The following MACROD2 variants were observed in gnomAD, a reference collection of about 807,000 sequenced individuals.
The protein encoded by MACROD2 is mono-ADP ribosylhydrolase 2.
MACROD2 carries 36 observed loss-of-function variants against 70.4 expected under a neutral mutation model. The observed-to-expected ratio is 0.51, with a 90% CI of 0.39 to 0.68. MACROD2 has a LOEUF of 0.68. Ranked by LOEUF, MACROD2 falls within the 30% of genes least tolerant of loss-of-function variation. The pLI is 0.00. For synonymous variants in MACROD2, 172 were observed against 178.8 expected (o/e 0.96, Z 0.30); for missense variants, 496 against 538.4 (o/e 0.92, Z 0.78).
intron 2 of MACROD2, among the ~76,000 whole-genome samples, chr20:14,034,428 G>A (rs556765863): frequency 8.5e-5 from 13 of 152,094 alleles, no homozygotes; most frequent in Non-Finnish European, 1.6e-4. Flanking sequence ...ATTTATTTTT[G>A]TATTCTTGTG....
At chr20:15,201,284 C>T (rs1347980842) in intron 5 of MACROD2, among the ~76,000 whole-genome samples, 4 of 151,930 alleles carry the variant, frequency 2.6e-5, no homozygotes, top group Admixed American at 2.6e-4. Flanking sequence ...ATGAGTGCCC[C>T]CCTCCCCAGA....
chr20:15,411,509 T>C (rs774213712), intron 6 of MACROD2, among the ~76,000 whole-genome samples: 3 of 152,222 alleles, frequency 2.0e-5, no homozygotes, highest in Non-Finnish European at 4.4e-5. Flanking sequence ...CTGAATTTTC[T>C]CATCTGTCTT....
chr20:16,049,492 A>G (rs1243337418), intron 17 of MACROD2, among the ~76,000 whole-genome samples: 1 of 152,206 alleles, frequency 6.6e-6, no homozygotes, highest in East Asian at 1.9e-4. Context: ...CCTGGAAACT[A>G]GAGTGTGAGC....
At chr20:16,025,481 C>CA (rs2067065219) in intron 15 of MACROD2, among the ~76,000 whole-genome samples, 1 of 152,226 alleles carries the variant, frequency 6.6e-6, no homozygotes, top group Non-Finnish European at 1.5e-5. Context: ...AGGCAGAAGT[C>CA]AATCAAGCTT....
In MACROD2 at chr20:14,665,332, G is replaced by GT. The variant is rs112778882; in HGVS notation, c.302-19499dup. 7.2e-3 allele frequency among the ~76,000 whole-genome samples: 1,047 copies of GT among 145,366 alleles called. 9 individuals are homozygous for GT. Among genetic ancestry groups the GT allele is most frequent in the South Asian group, 0.038 (177 of 4,626 alleles). On this transcript the variant is annotated intron_variant, in intron 4 of 17. Transcript: ENST00000684519. ...ATTGCCAGTTAAGATTTCAAGAACA[G>GT]TTTTTTTTTTTTAACTGCAGTATGG...
chr20:14,477,828 T>C (rs1005400528), intron 3 of MACROD2, among the ~76,000 whole-genome samples: 14 of 152,180 alleles, frequency 9.2e-5, no homozygotes, highest in Non-Finnish European at 2.1e-4. Flanking sequence ...TGCTGTAAGA[T>C]GTTAAGGGAT....
Position 14,999,447 on chromosome 20 carries a change from G to A in MACROD2, c.419-230493G>A, listed in dbSNP as rs114645437. Among the ~76,000 whole-genome samples, 112 of 152,212 alleles carry A rather than the reference G, an allele frequency of 7.4e-4. 1 individual carries two copies. Among genetic ancestry groups the A allele is most frequent in the African/African-American group, 2.5e-3 (102 of 41,542 alleles). ...GCTGATGTAGGATGATGGCTTCAGC[G>A]TAGGAGTTTGAGACTAGCCAGACTC... is the stretch of plus-strand genomic sequence containing the variant. On this transcript the variant is annotated intron_variant, in intron 5 of 17. Coordinates refer to ENST00000684519, the MANE Select transcript of MACROD2 (RefSeq NM_001351661.2).
chr20:15,585,431 C>T (rs1449247921), intron 8 of MACROD2, among the ~76,000 whole-genome samples: 8 of 152,036 alleles, frequency 5.3e-5, no homozygotes, highest in East Asian at 1.9e-4. Flanking sequence ...CTCCTGACCT[C>T]GTGATCCACC....
intron 8 of MACROD2, among the ~76,000 whole-genome samples, chr20:15,612,906 G>GA (rs1369324888): frequency 7.2e-5 from 11 of 152,310 alleles, no homozygotes; most frequent in African/African-American, 2.6e-4. Context: ...CAGACAGACT[G>GA]ACAGGCTGCC....
intron 12 of MACROD2, among the ~76,000 whole-genome samples, chr20:15,957,011 T>C (rs1283144542): frequency 6.6e-6 from 1 of 152,172 alleles, no homozygotes; most frequent in African/African-American, 2.4e-5. Context: ...ACAAACGTAA[T>C]GTTGTGCAAA....
At chr20:14,696,219 A>C (rs2071124865) in intron 5 of MACROD2, among the ~76,000 whole-genome samples, 1 of 152,220 alleles carries the variant, frequency 6.6e-6, no homozygotes, top group Non-Finnish European at 1.5e-5. Flanking sequence ...GAGAACCCAA[A>C]GTCCAGCTTA....
intron 5 of MACROD2, among the ~76,000 whole-genome samples, chr20:14,805,295 G>C (rs1355533673): frequency 6.6e-6 from 1 of 152,046 alleles, no homozygotes; most frequent in Non-Finnish European, 1.5e-5. Flanking sequence ...TTGAACATTA[G>C]AATTCAGTTT....
At chr20:14,738,996 C>G (rs1257094105) in intron 5 of MACROD2, among the ~76,000 whole-genome samples, 1 of 151,874 alleles carries the variant, frequency 6.6e-6, no homozygotes, top group Non-Finnish European at 1.5e-5. Context: ...CATTTTCTTA[C>G]TTAAAATATT....
intron 7 of MACROD2, among the ~76,000 whole-genome samples, chr20:15,435,872 C>T (rs1405667038): frequency 1.3e-5 from 2 of 152,070 alleles, no homozygotes; most frequent in Admixed American, 6.6e-5. Context: ...GTGTGAGTCA[C>T]ATTAGCTGGC....
chr20:14,087,641 AT>A (rs940354767), intron 3 of MACROD2, among the ~76,000 whole-genome samples: 7 of 152,178 alleles, frequency 4.6e-5, no homozygotes, highest in Admixed American at 2.0e-4. Flanking sequence ...TCTCTCTTAT[AT>A]GTAGTATCTA....
At chr20:15,190,469 G>A (rs1337473953) in intron 5 of MACROD2, among the ~76,000 whole-genome samples, 2 of 152,096 alleles carry the variant, frequency 1.3e-5, no homozygotes, top group East Asian at 1.9e-4. Context: ...TCATTGGATC[G>A]TGCATTCGTT....
At chr20:15,230,353 T>G (rs2076949435) in intron 6 of MACROD2, among the ~76,000 whole-genome samples, 1 of 152,180 alleles carries the variant, frequency 6.6e-6, no homozygotes, top group Non-Finnish European at 1.5e-5. Flanking sequence ...AAAGTAAATA[T>G]TATGGTAGTG....
rs185800950 is a variant in MACROD2, at chr20:15,725,582, G to A, written c.646-137163G>A. On this transcript the variant is annotated intron_variant, in intron 8 of 17. Coordinates refer to ENST00000684519, the MANE Select transcript of MACROD2 (RefSeq NM_001351661.2). Reference sequence around the variant, plus strand: ...TGTATACATTTTATTTACTTTTCTTGTTTTATTTCATTAGTCAGTGCTTCC... The same window carrying A: ...TGTATACATTTTATTTACTTTTCTTATTTTATTTCATTAGTCAGTGCTTCC... Among the ~76,000 whole-genome samples, 470 of 151,926 alleles carry A rather than the reference G, an allele frequency of 3.1e-3. 3 individuals carry two copies. Among genetic ancestry groups the A allele is most frequent in the African/African-American group, 0.011 (438 of 41,458 alleles).
intron 5 of MACROD2, among the ~76,000 whole-genome samples, chr20:15,046,842 C>A (rs1353289521): frequency 6.6e-6 from 1 of 152,174 alleles, no homozygotes; most frequent in Non-Finnish European, 1.5e-5. Flanking sequence ...ACTTTCTGTT[C>A]CTTGACTTTG....
Sources: allele counts gnomAD v4.1 joint callset (sites outside exome capture counted in the v4.1 genomes callset), GRCh38; gene constraint gnomAD v4.1.1; transcripts MANE v1.5; gene names NCBI Gene and HGNC (gene_info 2026-07-23, HGNC 2026-07-21).